The following CPS1 variants were observed in gnomAD, a reference collection of about 807,000 sequenced individuals.
CPS1 encodes the protein carbamoyl-phosphate synthase 1.
Under a neutral mutation model 174.6 loss-of-function variants are expected in CPS1, and 109 were observed. The ratio of observed to expected loss-of-function variants is 0.62; its 90% CI spans 0.53 to 0.73. The LOEUF (loss-of-function observed/expected upper bound fraction) is 0.73. Among genes scored for constraint, CPS1 ranks in the 30% least tolerant of loss-of-function variants. The pLI is 0.00. For missense variants in CPS1, 1,689 were observed against 1,821.9 expected (o/e 0.93, Z 1.33); for synonymous variants, 637 against 632.0 (o/e 1.01, Z -0.12).
chr2:210,623,960 A>G (rs1389355392), intron 21 of CPS1, among the ~76,000 whole-genome samples: 2 of 152,132 alleles, frequency 1.3e-5, no homozygotes, highest in African/African-American at 4.8e-5. Context: ...TTCTGATGAC[A>G]ATGTATATTT....
chr2:210,513,825 T>C (rs949902250), intron 1 of CPS1, among the ~76,000 whole-genome samples: 1 of 152,012 alleles, frequency 6.6e-6, no homozygotes, highest in Non-Finnish European at 1.5e-5. Flanking sequence ...TTTGAGGTCT[T>C]ACATTAAATC....
chr2:210,567,590 G>A (rs1241956664), intron 1 of CPS1, among the ~76,000 whole-genome samples: 3 of 152,066 alleles, frequency 2.0e-5, no homozygotes, highest in African/African-American at 7.2e-5. Context: ...TAGTGATGGA[G>A]GATTAGATTT....
At chr2:210,624,273 C>A (rs1699629087) in intron 21 of CPS1, among the ~76,000 whole-genome samples, 1 of 152,058 alleles carries the variant, frequency 6.6e-6, no homozygotes, top group Non-Finnish European at 1.5e-5. Flanking sequence ...AGAAACAACA[C>A]AAACTCCCTT....
chr2:210,496,483 C>T lies in CPS1; in HGVS notation c.3+18717C>T, dbSNP rs539904438. On this transcript the variant is annotated intron_variant, in intron 1 of 38. Transcript: ENST00000430249. The stretch of plus-strand genomic sequence containing the variant: ...CAAATTGAGTCTTCTTGAGGAGCTC[C>T]TGTGCAAAGATGTCTGGATGTCAGC... 5.6e-4 allele frequency among the ~76,000 whole-genome samples: 86 copies of T among 152,222 alleles called. 1 individual carries two copies. Among genetic ancestry groups the T allele is most frequent in the Middle Eastern group, 3.4e-3 (1 of 294 alleles).
At chr2:210,629,436 T>A (rs1042667377) in intron 21 of CPS1, among the ~76,000 whole-genome samples, 46 of 151,912 alleles carry the variant, frequency 3.0e-4, no homozygotes, top group African/African-American at 1.1e-3. Flanking sequence ...TGCCTCAGCC[T>A]CCCGAGTAGC....
chr2:210,503,326 G>A (rs952833549), intron 1 of CPS1, among the ~76,000 whole-genome samples: 1 of 152,180 alleles, frequency 6.6e-6, no homozygotes, highest in Non-Finnish European at 1.5e-5. Flanking sequence ...CTTTCCCAAA[G>A]CTCGAGGCCC....
intron 1 of CPS1, among the ~76,000 whole-genome samples, chr2:210,512,289 C>T (rs954627569): frequency 6.6e-6 from 1 of 151,830 alleles, no homozygotes; most frequent in East Asian, 1.9e-4. Flanking sequence ...GTTTGGGATA[C>T]AAATGATACC....
intron 21 of CPS1, chr2:210,619,517 T>C (rs1699432903): frequency 6.6e-6 from 1 of 152,146 alleles, no homozygotes; most frequent in Admixed American, 6.5e-5. Context: ...GTAGATATGA[T>C]AGTTAAATAT....
intron 1 of CPS1, among the ~76,000 whole-genome samples, chr2:210,536,562 G>C (rs1253060150): frequency 1.8e-4 from 27 of 152,048 alleles, no homozygotes; most frequent in Non-Finnish European, 5.9e-5. Flanking sequence ...TCCTAACCTC[G>C]TGATCCGCCC....
chr2:210,591,799 T>G (rs1311900538), intron 9 of CPS1, 32 bp from the exon 10 acceptor site: 1 of 1,608,360 alleles, frequency 6.2e-7, no homozygotes, highest in African/African-American at 1.3e-5. Flanking sequence ...CACTTTTCCT[T>G]TTCCCTATTC....
In CPS1 at chr2:210,606,883, A is replaced by G; in HGVS notation, c.2134A>G (p.Ile712Val). 6.2e-7 allele frequency: 1 copy of G among 1,612,646 alleles called. No homozygotes were observed. Among genetic ancestry groups the G allele is most frequent in the Non-Finnish European group, 8.5e-7 (1 of 1,179,092 alleles). Residue 712 changes from isoleucine to valine, a missense_variant, in exon 18 of 38, where the codon ATC (isoleucine) becomes GTC (valine). By Grantham distance (29) the Ile-to-Val change is conservative. Transcript: ENST00000233072. Reference sequence around the variant, plus strand: ...TCATCCTACCTCAATGGAATACTGCATCATTGAAGTGAATGCCAGACTGTC... The same window carrying G: ...TCATCCTACCTCAATGGAATACTGCGTCATTGAAGTGAATGCCAGACTGTC... ...ALHPTSMEYC[I>V]IEVNARLSRS...
intron 1 of CPS1, among the ~76,000 whole-genome samples, chr2:210,505,833 G>C (rs1695265746): frequency 6.6e-6 from 1 of 152,228 alleles, no homozygotes; most frequent in African/African-American, 2.4e-5. Context: ...TGGCAGCGAG[G>C]CTGGGGGAGG....
chr2:210,480,216 G>A (rs182741745), intron 1 of CPS1, among the ~76,000 whole-genome samples: 56 of 152,254 alleles, frequency 3.7e-4, no homozygotes, highest in Admixed American at 2.8e-3. Context: ...CAGCTTGTGA[G>A]AAGGTCAGGC....
rs777909651 is a variant in CPS1, at chr2:210,591,911, A to G, written c.1028A>G (p.Asn343Ser). ...CAGAATCATGGCTATGCCTTGGACAACACCCTCCCTGCTGGCTGGAAACCA... is the reference window on the plus strand; with the variant it reads ...CAGAATCATGGCTATGCCTTGGACAGCACCCTCCCTGCTGGCTGGAAACCA... The part of the protein sequence containing the change: ...TAQNHGYALD[N>S]TLPAGWKPLF... The change falls in exon 10 of 38, where the codon AAC becomes AGC. Residue 343 changes from asparagine to serine, a missense_variant. Coordinates refer to ENST00000233072, the MANE Select transcript of CPS1 (RefSeq NM_001875.5). The G allele has an allele frequency of 1.9e-6, 3 of 1,612,532 alleles. No individual in the cohort carries two copies. Among genetic ancestry groups the G allele is most frequent in the East Asian group, 2.2e-5 (1 of 44,808 alleles).
intron 1 of CPS1, among the ~76,000 whole-genome samples, chr2:210,502,599 C>G (rs1695176471): frequency 6.6e-6 from 1 of 151,292 alleles, no homozygotes; most frequent in Non-Finnish European, 1.5e-5. Context: ...TTAGTTTGAA[C>G]AATTTTGGAG....
chr2:210,546,844 C>T (rs1343799014), intron 1 of CPS1, among the ~76,000 whole-genome samples: 1 of 151,942 alleles, frequency 6.6e-6, no homozygotes, highest in East Asian at 1.9e-4. Flanking sequence ...TGATTCATTT[C>T]TTATCTACAC....
intron 1 of CPS1, among the ~76,000 whole-genome samples, chr2:210,516,650 A>T (rs1157811053): frequency 6.6e-6 from 1 of 151,910 alleles, no homozygotes; most frequent in African/African-American, 2.4e-5. Flanking sequence ...GCACATGATG[A>T]TTTGAACTCT....
At chr2:210,490,058 AT>A (rs1271545467) in intron 1 of CPS1, among the ~76,000 whole-genome samples, 2 of 146,624 alleles carry the variant, frequency 1.4e-5, no homozygotes, top group Admixed American at 1.4e-4. Flanking sequence ...GGAAGAAAGG[AT>A]GGAAGGAAGA....
At chr2:210,641,536 T>G (rs76847817) in intron 24 of CPS1, among the ~76,000 whole-genome samples, 1 of 152,204 alleles carries the variant, frequency 6.6e-6, no homozygotes, top group African/African-American at 2.4e-5. Context: ...CTAAGTGTTC[T>G]AACACATGGA....
Sources: gnomAD v4.1 joint callset for allele counts (sites outside exome capture counted in the v4.1 genomes callset) on GRCh38, gnomAD v4.1.1 for gene constraint, MANE v1.5 for transcripts, NCBI Gene and HGNC (gene_info 2026-07-23, HGNC 2026-07-21) for gene names.